The following RIPK1 variants were observed in gnomAD, a reference collection of about 807,000 sequenced individuals.
RIPK1 encodes the protein receptor interacting serine/threonine kinase 1, also known as receptor-interacting serine/threonine-protein kinase 1.
In RIPK1, 27 loss-of-function variants were observed where a neutral mutation model predicts 62.4. That is an observed-to-expected ratio of 0.43 (90% confidence interval 0.32 to 0.60). The LOEUF is 0.60. RIPK1 is among the 20% of genes least tolerant of loss of function. The pLI is 0.07. For synonymous variants in RIPK1, 287 were observed against 303.2 expected, an observed-to-expected ratio of 0.95 and a Z score of 0.55; for missense variants, 735 against 831.0, an observed-to-expected ratio of 0.88 and a Z score of 1.42.
intron 3 of RIPK1, 39 bp downstream of exon 3, chr6:3,077,974 G>C (rs1013722155): frequency 6.2e-7 from 1 of 1,604,908 alleles, no homozygotes; most frequent in Non-Finnish European, 8.5e-7. Flanking sequence ...CCCAGCGCTT[G>C]GGCCCTGGCT....
rs140487365 is a variant in RIPK1, at chr6:3,098,847, C to CAGAG, written c.916-5376_916-5375insAGAG. ...GAAGTCAGAAGGCAACGAAGCCTGACAGCTCTGGCAGCCGGGAGCACTGAG... is the reference window on the plus strand; with the variant it reads ...GAAGTCAGAAGGCAACGAAGCCTGACAGAGAGCTCTGGCAGCCGGGAGCACTGAG... On this transcript the variant is annotated intron_variant, in intron 7 of 10. Coordinates refer to ENST00000259808, the MANE Select transcript of RIPK1 (RefSeq NM_001354930.2). Among the ~76,000 whole-genome samples the CAGAG allele has an allele frequency of 2.4e-3, 368 of 152,378 alleles. 1 individual carries two copies. The highest frequency in any genetic ancestry group is 8.7e-3 in the African/African-American group (362 of 41,592).
At chr6:3,064,226 C>T (rs1274759053), upstream of RIPK1, among the ~76,000 whole-genome samples, 3 of 151,734 alleles carry the variant, frequency 2.0e-5, no homozygotes, top group Non-Finnish European at 4.4e-5. Context: ...TGTGGGGGGT[C>T]CCCTGCAGCG....
At chr6:3,084,099 CAA>C (rs1441188334) in intron 5 of RIPK1, among the ~76,000 whole-genome samples, 3 of 152,166 alleles carry the variant, frequency 2.0e-5, no homozygotes, top group African/African-American at 7.2e-5. Context: ...ATGTATGACT[CAA>C]GATATATCTG....
In RIPK1 at chr6:3,068,593, G is replaced by C; in HGVS notation, c.-129G>C. 1 of 985,314 alleles carries C rather than the reference G, an allele frequency of 1.0e-6. No homozygotes were observed. The highest frequency in any genetic ancestry group is 1.2e-6 in the Non-Finnish European group (1 of 829,946). 61.0% of individuals were successfully genotyped at this position (985,314 alleles called of 1,614,324 possible). ...CCCACAGCTGGGGCGCCAGAGCGCG[G>C]CCATCCGGGCGGGGCCGACGGAGCG... is the stretch of plus-strand genomic sequence containing the variant. On this transcript the variant is annotated 5_prime_UTR_variant, in exon 1 of 11. Transcript: ENST00000259808.
Position 3,110,896 on chromosome 6 carries a change from T to C in RIPK1, c.1670T>C (p.Leu557Pro). Residue 557 changes from leucine to proline, a missense_variant, in exon 10 of 11, where the codon CTA becomes CCA. This residue lies in a region of RIPK1 where 671 missense variants were observed against 726.2 expected (regional missense o/e 0.92). Coordinates refer to ENST00000259808, the MANE Select transcript of RIPK1 (RefSeq NM_001354930.2). The part of the protein sequence containing the change: ...MEIGGTSSSL[L>P]DSTNTNFKEE... ...ATTGGTGGGACGAGTTCATCACTAC[T>C]AGACAGCACAAATACGAACTTCAAA... is the stretch of plus-strand genomic sequence containing the variant. 3 of 1,613,212 alleles carry C rather than the reference T, an allele frequency of 1.9e-6. No individual in the cohort carries two copies. The highest frequency in any genetic ancestry group is 2.5e-6 in the Non-Finnish European group (3 of 1,179,238).
At chr6:3,106,785 A>G (rs545442671) in intron 9 of RIPK1, among the ~76,000 whole-genome samples, 1 of 152,342 alleles carries the variant, frequency 6.6e-6, no homozygotes, top group South Asian at 2.1e-4. Flanking sequence ...AGGTTTTATG[A>G]TAAGATCTGT....
chr6:3,068,512 G>C lies in RIPK1; in HGVS notation c.-210G>C, dbSNP rs1758496582. 1 of 985,168 alleles carries C rather than the reference G, an allele frequency of 1.0e-6. No homozygotes were observed. The highest frequency in any genetic ancestry group is 1.2e-6 in the Non-Finnish European group (1 of 829,846). The allele number at this position is 985,168 out of a possible 1,614,324, so 61.0% of individuals were successfully genotyped here. On this transcript the variant is annotated 5_prime_UTR_variant, in exon 1 of 11. Transcript: ENST00000259808. ...CGCGAACAGTCCACGCCCTCCAGCC[G>C]GGCGCGCTCGACGCGGACGGCGGGC...
Position 3,113,392 on chromosome 6 carries a change from C to T in RIPK1, c.*53C>T. The T allele has an allele frequency of 1.9e-6, 3 of 1,550,078 alleles. No individual in the cohort carries two copies. The highest frequency in any genetic ancestry group is 2.4e-5 in the South Asian group (2 of 84,370). ...GGACGCCTCACTTAGTGGATAACCCCAGAAAGTTGGCTGCCTCAGAGCATT... is the reference window on the plus strand; with the variant it reads ...GGACGCCTCACTTAGTGGATAACCCTAGAAAGTTGGCTGCCTCAGAGCATT... On this transcript the variant is annotated 3_prime_UTR_variant, in exon 11 of 11. Coordinates refer to ENST00000259808, the MANE Select transcript of RIPK1 (RefSeq NM_001354930.2). The surrounding 1 kb of genome is among the most constrained non-coding windows in gnomAD (Gnocchi z 5.0).
At position 3,115,122 on chromosome 6, in the gene RIPK1, TAA is replaced by T. The variant is rs1761347619; in HGVS notation, c.*1784_*1785del. 6.6e-6 allele frequency: 1 copy of T among 152,056 alleles called. No homozygotes were observed. The highest frequency in any genetic ancestry group is 1.9e-4 in the East Asian group (1 of 5,184). 9.4% of individuals were successfully genotyped at this position (152,056 alleles called of 1,614,324 possible). A position where few individuals can be genotyped will look rare whatever the true frequency, so the allele number is the denominator to read the frequency against. On this transcript the variant is annotated 3_prime_UTR_variant, in exon 11 of 11. Transcript: ENST00000259808. Reference sequence around the variant, plus strand: ...TTAGATTCCAAAGAGGTTGAATAATTAATGTTCAAAGGCAAGAGGGCAAGGCA... The same window carrying T: ...TTAGATTCCAAAGAGGTTGAATAATTTGTTCAAAGGCAAGAGGGCAAGGCA...
intron 1 of RIPK1, among the ~76,000 whole-genome samples, chr6:3,070,719 C>CAAAG (rs58447329): frequency 0.035 from 5,402 of 152,326 alleles, 335 homozygotes; most frequent in African/African-American, 0.12. Context: ...GCATGAGCCC[C>CAAAG]TGCACCTCAC....
intron 7 of RIPK1, among the ~76,000 whole-genome samples, chr6:3,101,578 C>T (rs1336985615): frequency 6.6e-6 from 1 of 151,438 alleles, no homozygotes; most frequent in African/African-American, 2.4e-5. Context: ...TATTTTTGAC[C>T]ACTTATTTAT....
chr6:3,078,044 T>C (rs1759186673), intron 3 of RIPK1, 109 bp downstream of exon 3: 2 of 1,090,948 alleles, frequency 1.8e-6, no homozygotes, highest in African/African-American at 3.2e-5. Context: ...AATTTGCAAA[T>C]TGCTTGGTAG....
At chr6:3,103,242 T>C (rs1220058939) in intron 7 of RIPK1, among the ~76,000 whole-genome samples, 1 of 151,914 alleles carries the variant, frequency 6.6e-6, no homozygotes, top group Non-Finnish European at 1.5e-5. Context: ...GTTCTGGATT[T>C]CATCCGTTTT....
At chr6:3,074,913 C>T (rs1312532538) in intron 1 of RIPK1, among the ~76,000 whole-genome samples, 4 of 152,188 alleles carry the variant, frequency 2.6e-5, no homozygotes, top group African/African-American at 9.7e-5. Flanking sequence ...AACTCCTGAC[C>T]TCGTGATCCG....
At chr6:3,077,638 C>A in intron 2 of RIPK1, 141 bp from the exon 3 acceptor site, 1 of 822,644 alleles carries the variant, frequency 1.2e-6, no homozygotes, top group Non-Finnish European at 1.8e-6. Context: ...TGCCTTCTAA[C>A]GCTTCTGGCC....
chr6:3,107,800 A>G lies in RIPK1; in HGVS notation c.1576+1749A>G, dbSNP rs144960908. 8.4e-4 allele frequency among the ~76,000 whole-genome samples: 128 copies of G among 152,092 alleles called. 2 individuals are homozygous for G. In the East Asian group the frequency reaches 0.021, roughly 25 times the overall value. On this transcript the variant is annotated intron_variant, in intron 9 of 10. Transcript: ENST00000259808. ...GTGCCAGAAATCTCTTTGTGTTTTC[A>G]CCTCGTTCTGGTTCCTGGTTCTGCC...
chr6:3,084,366 G>A (rs150658478), intron 5 of RIPK1, among the ~76,000 whole-genome samples: 129 of 152,240 alleles, frequency 8.5e-4, no homozygotes, highest in Non-Finnish European at 1.7e-3. Context: ...TACTGGCCTC[G>A]TCCCTAACCC....
rs1759514045 is a variant in RIPK1 at position 3,083,308 on chromosome 6, A to G, written c.683A>G (p.Tyr228Cys). 6.2e-7 allele frequency: 1 copy of G among 1,611,954 alleles called. No individual in the cohort carries two copies. Residue 228 changes from tyrosine (Y) to cysteine (C), a missense_variant, in exon 5 of 11, where the codon TAT becomes TGT. Tyr to Cys is a radical substitution (Grantham distance 194). Around this residue, in one of 2 missense-constraint regions of RIPK1, gnomAD observed 671 missense variants for 726.2 expected, o/e 0.92. Transcript: ENST00000259808. ...GCGATATTTGCAAATAAGGAGCCATATGAAAGTAAGGCATTACTTACTTTC... is the reference window on the plus strand; with the variant it reads ...GCGATATTTGCAAATAAGGAGCCATGTGAAAGTAAGGCATTACTTACTTTC... The part of the protein sequence containing the change: ...LWAIFANKEP[Y>C]ENAICEQQLI...
At chr6:3,104,364 C>A in intron 8 of RIPK1, 49 bp downstream of exon 8, 1 of 982,956 alleles carries the variant, frequency 1.0e-6, no homozygotes, top group Non-Finnish European at 1.6e-6. Context: ...TTTGGTTACT[C>A]ATTCACTCCA....
Sources: gnomAD v4.1 joint callset for allele counts (sites outside exome capture counted in the v4.1 genomes callset) on GRCh38, gnomAD v4.1.1 for gene constraint, gnomAD v4.1.1 regional missense constraint, Gnocchi (gnomAD v3.1) non-coding constraint, MANE v1.5 for transcripts, NCBI Gene and HGNC (gene_info 2026-07-23, HGNC 2026-07-21) for gene names.